The following PCDHA7 variants were observed in gnomAD, a reference collection of about 807,000 sequenced individuals.
PCDHA7 encodes the protein protocadherin alpha 7, also known as protocadherin alpha-7.
In PCDHA7, 37 loss-of-function variants were observed where a neutral mutation model predicts 57.2. That is an observed-to-expected ratio of 0.65 (90% CI 0.50 to 0.85). PCDHA7 has a LOEUF of 0.85. Ranked by LOEUF, PCDHA7 falls within the 40% of genes least tolerant of loss-of-function variation. PCDHA7 has a pLI of 0.00. For synonymous variants in PCDHA7, 553 were observed against 558.8 expected, an observed-to-expected ratio of 0.99 and a Z score of 0.15; for missense variants, 1,188 against 1,241.8, an observed-to-expected ratio of 0.96 and a Z score of 0.65.
intron 1 of PCDHA7, among the ~76,000 whole-genome samples, chr5:140,973,232 G>A (rs1307717074): frequency 6.6e-6 from 1 of 152,196 alleles, no homozygotes; most frequent in Non-Finnish European, 1.5e-5. Context: ...ATAGTGACCT[G>A]AAAGAGTTAA....
chr5:140,868,759 T>G, intron 1 of PCDHA7: 1 of 230,962 alleles, frequency 4.3e-6, no homozygotes, highest in Non-Finnish European at 8.5e-6. Context: ...TCCATATATA[T>G]TTAGTTTCAA....
chr5:140,888,802 AGTGATCT>A (rs1418023292), intron 1 of PCDHA7, among the ~76,000 whole-genome samples: 2 of 152,088 alleles, frequency 1.3e-5, no homozygotes, highest in African/African-American at 4.8e-5. Flanking sequence ...GAGGTTGATC[AGTGATCT>A]GTGATCTGTG....
chr5:140,944,136 G>A (rs536816208), intron 1 of PCDHA7, among the ~76,000 whole-genome samples: 3 of 152,136 alleles, frequency 2.0e-5, no homozygotes, highest in African/African-American at 7.2e-5. Context: ...AAAGGTTGAA[G>A]ATTAGAAGAG....
chr5:140,850,009 C>T (rs2150463255), intron 1 of PCDHA7: 11 of 1,596,964 alleles, frequency 6.9e-6, no homozygotes, highest in Non-Finnish European at 9.4e-6. Flanking sequence ...CGCTCGCTGT[C>T]GAGCTACGTG....
chr5:140,959,107 C>A (rs1330357931), intron 1 of PCDHA7, among the ~76,000 whole-genome samples: 1 of 151,920 alleles, frequency 6.6e-6, no homozygotes, highest in South Asian at 2.1e-4. Context: ...CAGCAGGGGT[C>A]CGAAGGTGGG....
chr5:140,883,702 T>C (rs367854871), intron 1 of PCDHA7: 80 of 1,613,632 alleles, frequency 5.0e-5, no homozygotes, highest in South Asian at 6.6e-5. Context: ...TCACGGTGTC[T>C]GCTCAGGACG....
At position 140,951,508 on chromosome 5, in the gene PCDHA7, G is replaced by A. The variant is rs536073969; in HGVS notation, c.2356-27441G>A. Among the ~76,000 whole-genome samples the A allele has an allele frequency of 3.9e-5, 6 of 152,080 alleles. No individual in the cohort carries two copies. The South Asian group carries it at 6.2e-4, about 16-fold the overall frequency. On this transcript the variant is annotated intron_variant, in intron 1 of 3. Coordinates refer to ENST00000525929, the MANE Select transcript of PCDHA7 (RefSeq NM_018910.3). ...TCATGGTGGAAGGCAAAAGGAAAGC[G>A]GCTCATCTTACATGGCCGGTGCAGG...
At chr5:140,978,283 G>A (rs1355729190) in intron 1 of PCDHA7, among the ~76,000 whole-genome samples, 3 of 152,200 alleles carry the variant, frequency 2.0e-5, no homozygotes, top group South Asian at 2.1e-4. Context: ...CAGTGATTCA[G>A]TGAGGAGGGA....
intron 1 of PCDHA7, among the ~76,000 whole-genome samples, chr5:140,915,048 C>T (rs782399136): frequency 2.0e-5 from 3 of 151,284 alleles, no homozygotes; most frequent in East Asian, 1.9e-4. Context: ...TGGGTTCAAG[C>T]GATTCTCCTG....
At chr5:140,844,885 T>C (rs1288231752) in intron 1 of PCDHA7, among the ~76,000 whole-genome samples, 1 of 149,522 alleles carries the variant, frequency 6.7e-6, no homozygotes, top group Non-Finnish European at 1.5e-5. Flanking sequence ...TTAGACTTCG[T>C]GCATATTGCT....
intron 3 of PCDHA7, among the ~76,000 whole-genome samples, chr5:141,004,253 C>G (rs1460798910): frequency 6.6e-6 from 1 of 152,200 alleles, no homozygotes; most frequent in Non-Finnish European, 1.5e-5. Flanking sequence ...TTTTGTTTTA[C>G]TGGAATGAGT....
At chr5:140,856,703 C>T (rs1413055800) in intron 1 of PCDHA7, 1 of 1,596,452 alleles carries the variant, frequency 6.3e-7, no homozygotes, top group Non-Finnish European at 8.6e-7. Context: ...TGGAGGCAAA[C>T]CTGAATTTAC....
intron 1 of PCDHA7, chr5:140,883,616 G>C: frequency 6.2e-7 from 1 of 1,614,014 alleles, no homozygotes; most frequent in Non-Finnish European, 8.5e-7. Flanking sequence ...CGACGTGAAC[G>C]ACAACGCGCC....
intron 1 of PCDHA7, among the ~76,000 whole-genome samples, chr5:140,895,123 T>C (rs1583185390): frequency 6.6e-6 from 1 of 152,300 alleles, no homozygotes; most frequent in East Asian, 1.9e-4. Flanking sequence ...CATTTGTTAG[T>C]TGACAAGTTC....
intron 1 of PCDHA7, chr5:140,841,202 A>AT: frequency 7.6e-7 from 1 of 1,311,932 alleles, no homozygotes; most frequent in East Asian, 2.4e-5. Context: ...CTCTGACAGC[A>AT]TCTGTCTCTA....
At chr5:140,878,552 C>A (rs1035509057) in intron 1 of PCDHA7, among the ~76,000 whole-genome samples, 1 of 152,130 alleles carries the variant, frequency 6.6e-6, no homozygotes, top group Non-Finnish European at 1.5e-5. Flanking sequence ...TTCAGATGAT[C>A]CCAAACTTAT....
chr5:140,858,347 C>T lies in PCDHA7; in HGVS notation c.2355+21609C>T. ...TGGGGAGGGCCTGCCCAAGGCGGAC[C>T]TCATGGCCTTCAGCCCCAGCCTTCC... On this transcript the variant is annotated intron_variant, in intron 1 of 3. Transcript: ENST00000525929. 3 of 1,594,932 alleles carry T rather than the reference C, an allele frequency of 1.9e-6. No individual in the cohort carries two copies. The East Asian group carries it at 6.7e-5, about 36-fold the overall frequency.
chr5:140,843,692 T>C, intron 1 of PCDHA7: 2 of 1,586,786 alleles, frequency 1.3e-6, no homozygotes, highest in South Asian at 2.2e-5. Flanking sequence ...AGAGCAAGAT[T>C]TAAATGTTGA....
At chr5:140,856,185 G>T (rs1554148335) in intron 1 of PCDHA7, 1 of 1,598,044 alleles carries the variant, frequency 6.3e-7, no homozygotes, top group Non-Finnish European at 8.6e-7. Context: ...TTCGTGGGCC[G>T]CATCGCGCAG....
Sources: allele counts gnomAD v4.1 joint callset (sites outside exome capture counted in the v4.1 genomes callset), GRCh38; gene constraint gnomAD v4.1.1; transcripts MANE v1.5; gene names NCBI Gene and HGNC (gene_info 2026-07-23, HGNC 2026-07-21).